Variants in MORN1 observed in about 807,000 individuals in gnomAD.
MORN1 encodes MORN repeat-containing protein 1.
In MORN1, 67 loss-of-function variants were observed where a neutral mutation model predicts 61.9. The observed-to-expected ratio is 1.08, with a 90% CI of 0.89 to 1.33. The LOEUF is 1.33. Among genes scored for constraint, MORN1 ranks in the 40% most tolerant of loss-of-function variants. The pLI, the probability that MORN1 is intolerant of heterozygous loss-of-function variation, is 0.00. For missense variants in MORN1, 752 were observed against 691.2 expected, an observed-to-expected ratio of 1.09 and a Z score of -0.99; for synonymous variants, 301 against 292.0, an observed-to-expected ratio of 1.03 and a Z score of -0.31.
At chr1:2,355,704 T>C (rs904317810) in intron 10 of MORN1, among the ~76,000 whole-genome samples, 6 of 152,158 alleles carry the variant, frequency 3.9e-5, no homozygotes, top group Non-Finnish European at 2.9e-5. Context: ...GAGGGACTGC[T>C]GCAGACAGTG....
chr1:2,338,598 G>A (rs980442501), intron 10 of MORN1, among the ~76,000 whole-genome samples: 2 of 152,228 alleles, frequency 1.3e-5, no homozygotes, highest in African/African-American at 4.8e-5. Flanking sequence ...GGTTCACACG[G>A]TGGCGGGGGC....
rs368255806 is a variant in MORN1, at chr1:2,331,586, C to T, written c.1250+4883G>A. Among the ~76,000 whole-genome samples the T allele has an allele frequency of 2.0e-4, 30 of 152,268 alleles. 1 individual carries two copies. Among genetic ancestry groups the T allele is most frequent in the East Asian group, 1.5e-3 (8 of 5,172 alleles). On this transcript the variant is annotated intron_variant, in intron 12 of 13. Coordinates refer to ENST00000378531, the MANE Select transcript of MORN1 (RefSeq NM_024848.3). ...CCTGAGGGGGACCTGGTGGCCTTGGCTGGGCTCTGGGAGGGCAGACATGGC... is the reference window on the plus strand; with the variant it reads ...CCTGAGGGGGACCTGGTGGCCTTGGTTGGGCTCTGGGAGGGCAGACATGGC...
chr1:2,327,617 G>A (rs569100936), intron 12 of MORN1, among the ~76,000 whole-genome samples: 21 of 152,380 alleles, frequency 1.4e-4, no homozygotes, highest in African/African-American at 4.6e-4. Flanking sequence ...CAGGCCCAGA[G>A]GCTGTGGACG....
chr1:2,379,186 T>C (rs1261195291), intron 6 of MORN1: 1 of 470,832 alleles, frequency 2.1e-6, no homozygotes, highest in Non-Finnish European at 4.4e-6. Flanking sequence ...TAGCAGCCGA[T>C]GTCTCCTTGA....
intron 10 of MORN1, among the ~76,000 whole-genome samples, chr1:2,347,542 C>T (rs2643910): frequency 0.57 from 86,553 of 151,848 alleles, 25,156 homozygotes; most frequent in South Asian, 0.73. Flanking sequence ...CCCATGACCT[C>T]AGGGGTCTAG....
chr1:2,331,709 G>C (rs1177072547), intron 12 of MORN1, among the ~76,000 whole-genome samples: 1 of 152,186 alleles, frequency 6.6e-6, no homozygotes, highest in Non-Finnish European at 1.5e-5. Flanking sequence ...AGTCAAAGAC[G>C]ACTTTGCAGG....
intron 12 of MORN1, among the ~76,000 whole-genome samples, chr1:2,324,430 A>G (rs974255700): frequency 2.0e-5 from 3 of 152,168 alleles, no homozygotes; most frequent in African/African-American, 4.8e-5. Flanking sequence ...CGACCACCCC[A>G]TTTCCACAGT....
At chr1:2,390,091 C>A in intron 1 of MORN1, 95 bp from the exon 2 acceptor site, 2 of 1,183,110 alleles carry the variant, frequency 1.7e-6, no homozygotes, top group Non-Finnish European at 1.3e-6. Flanking sequence ...CCTTGAGGGC[C>A]TTCAAGGGGT....
At chr1:2,335,828 T>TAGCCCGGCCCGGCCCGGCCCGGCCC (rs138508948) in intron 12 of MORN1, among the ~76,000 whole-genome samples, 36 of 143,114 alleles carry the variant, frequency 2.5e-4, no homozygotes, top group African/African-American at 1.1e-3. Context: ...CTCGCCTCCA[T>TAGCCCGGCCCGGCCCGGCCCGGCCC]AGCCCAGCCC....
intron 2 of MORN1, among the ~76,000 whole-genome samples, chr1:2,389,504 G>C (rs973599752): frequency 2.6e-5 from 4 of 152,234 alleles, no homozygotes; most frequent in African/African-American, 9.6e-5. Flanking sequence ...CTGACCTCAA[G>C]TGATCCGCCC....
Position 2,336,829 on chromosome 1 carries a change from C to G in MORN1, c.1058G>C (p.Cys353Ser), listed in dbSNP as rs748370333. 4 of 1,583,936 alleles carry G rather than the reference C, an allele frequency of 2.5e-6. No individual in the cohort carries two copies. In the East Asian group the frequency reaches 6.7e-5, roughly 27 times the overall value. The stretch of plus-strand genomic sequence containing the variant: ...CTCCACTCGCTGACAGGCCCCGGGA[C>G]AATGGGGCGCATGTCCCCTGGCTGA... ...GLLARGHAPH[C>S]PGACQRVEQG... Residue 353 changes from cysteine (C) to serine (S), a missense_variant, in exon 11 of 14, where the codon TGT (cysteine) becomes TCT (serine). Coordinates refer to ENST00000378531, the MANE Select transcript of MORN1 (RefSeq NM_024848.3).
At chr1:2,324,220 G>T in intron 12 of MORN1, 77 bp from the exon 13 acceptor site, 1 of 1,457,704 alleles carries the variant, frequency 6.9e-7, no homozygotes, top group Non-Finnish European at 9.4e-7. Context: ...CCTGAACCAG[G>T]GCTAGTGGCT....
intron 6 of MORN1, chr1:2,379,261 G>A: frequency 4.8e-6 from 2 of 418,376 alleles, no homozygotes; most frequent in Non-Finnish European, 9.8e-6. Context: ...ATGATCCGAG[G>A]TGGGCAGAGG....
intron 6 of MORN1, chr1:2,376,928 G>A (rs1387673299): frequency 6.6e-6 from 1 of 152,094 alleles, no homozygotes; most frequent in African/African-American, 2.4e-5. Flanking sequence ...TAGGGTGCAG[G>A]GGAGGCTCCT....
At chr1:2,360,662 C>T (rs1212455636) in intron 8 of MORN1, among the ~76,000 whole-genome samples, 1 of 152,158 alleles carries the variant, frequency 6.6e-6, no homozygotes, top group Non-Finnish European at 1.5e-5. Context: ...GAGGGAGGAC[C>T]CTGCAGCCCG....
At chr1:2,341,336 G>A (rs1641389522) in intron 10 of MORN1, among the ~76,000 whole-genome samples, 1 of 151,844 alleles carries the variant, frequency 6.6e-6, no homozygotes, top group Non-Finnish European at 1.5e-5. Context: ...CCCCCTTCCT[G>A]GGCATCACCC....
chr1:2,349,702 C>A (rs1487388060), intron 10 of MORN1, among the ~76,000 whole-genome samples: 1 of 152,198 alleles, frequency 6.6e-6, no homozygotes, highest in African/African-American at 2.4e-5. Context: ...CTCTGCTGCA[C>A]ATTCAGACAC....
At chr1:2,349,482 G>A (rs1408464597) in intron 10 of MORN1, among the ~76,000 whole-genome samples, 1 of 152,164 alleles carries the variant, frequency 6.6e-6, no homozygotes, top group Non-Finnish European at 1.5e-5. Flanking sequence ...TTCATCTACT[G>A]TTCTGGCATT....
At position 2,357,251 on chromosome 1, in the gene MORN1, G is replaced by A. The variant is rs77341102; in HGVS notation, c.1036+181C>T. On this transcript the variant is annotated intron_variant, in intron 10 of 13. Coordinates refer to ENST00000378531, the MANE Select transcript of MORN1 (RefSeq NM_024848.3). This position sits in a 1 kb window ranked among gnomAD's most constrained non-coding sequence, Gnocchi z 6.3. ...GGCTTGAGCCTCCGCAGCCACCCGT[G>A]ACTGCTTGTCTGGGGATGTGGGCTG... Among the ~76,000 whole-genome samples the A allele has an allele frequency of 2.5e-3, 386 of 152,296 alleles. 2 individuals carry two copies. The highest frequency in any genetic ancestry group is 8.8e-3 in the African/African-American group (365 of 41,570).
Sources: gnomAD v4.1 joint callset for allele counts (sites outside exome capture counted in the v4.1 genomes callset) on GRCh38, gnomAD v4.1.1 for gene constraint, Gnocchi (gnomAD v3.1) non-coding constraint, MANE v1.5 for transcripts, NCBI Gene and HGNC (gene_info 2026-07-23, HGNC 2026-07-21) for gene names.